RBM26: variants seen among roughly 807,000 people sequenced by gnomAD.
RBM26 encodes the protein RNA binding motif protein 26.
Under a neutral mutation model 123.6 loss-of-function variants are expected in RBM26, and 30 were observed. The observed-to-expected ratio is 0.24, with a 90% confidence interval of 0.18 to 0.33. RBM26 has a LOEUF of 0.33. Among genes scored for constraint, RBM26 ranks in the 10% least tolerant of loss-of-function variants. The pLI is 1.00. For synonymous variants in RBM26, 400 were observed against 404.4 expected (o/e 0.99, Z 0.13); for missense variants, 947 against 1,203.6 (o/e 0.79, Z 3.15).
chr13:79,351,306 A>C (rs1290963683), intron 14 of RBM26, among the ~76,000 whole-genome samples: 3 of 152,216 alleles, frequency 2.0e-5, no homozygotes, highest in African/African-American at 7.2e-5. Flanking sequence ...TTTAATTGAC[A>C]GAACTGTACA....
At chr13:79,349,618 A>T (rs949402006) in intron 14 of RBM26, among the ~76,000 whole-genome samples, 11 of 152,168 alleles carry the variant, frequency 7.2e-5, no homozygotes, top group African/African-American at 2.7e-4. Flanking sequence ...TGCAGGTAAT[A>T]ATCCTGAGAG....
chr13:79,322,593 T>C (rs1035424272), intron 20 of RBM26, 131 bp from the exon 21 acceptor site: 66 of 525,474 alleles, frequency 1.3e-4, no homozygotes, highest in Non-Finnish European at 2.0e-4. Flanking sequence ...CCATTTGCTT[T>C]TTGATTATTT....
At chr13:79,384,337 T>G (rs2077308798) in intron 1 of RBM26, among the ~76,000 whole-genome samples, 1 of 151,774 alleles carries the variant, frequency 6.6e-6, no homozygotes, top group Admixed American at 6.6e-5. Flanking sequence ...CATGGTTCAT[T>G]GAAACCTTGA....
chr13:79,385,573 A>T (rs1238134182), intron 1 of RBM26, among the ~76,000 whole-genome samples: 1 of 152,202 alleles, frequency 6.6e-6, no homozygotes, highest in African/African-American at 2.4e-5. Context: ...TTTTGGTATC[A>T]GGAGCCCTCT....
Position 79,355,220 on chromosome 13 carries a change from C to T in RBM26, c.1854G>A (p.Lys618=), listed in dbSNP as rs2073835283. The T allele has an allele frequency of 6.2e-7, 1 of 1,613,256 alleles. No homozygotes were observed. The change falls in exon 12 of 22, where the codon AAG becomes AAA. Residue 618 remains lysine (K), a splice_region_variant and synonymous_variant. Transcript: ENST00000438737. The part of the protein sequence containing the change: ...STQQLQTTSP[K]VMQPLVQQPI... ...ACTTTTACACAAATTCCTCTCTTAC[C>T]TTTGGAGAAGTAGTTTGTAACTGTT...
At chr13:79,397,759 T>C (rs1167923993) in intron 1 of RBM26, among the ~76,000 whole-genome samples, 2 of 149,558 alleles carry the variant, frequency 1.3e-5, no homozygotes, top group African/African-American at 4.9e-5. Flanking sequence ...ATGAGATTGG[T>C]AGAAGAAAAT....
At chr13:79,341,351 C>T (rs754910956) in intron 17 of RBM26, 124 bp from the exon 18 acceptor site, 3 of 550,588 alleles carry the variant, frequency 5.4e-6, no homozygotes, top group Non-Finnish European at 9.3e-6. Context: ...AGTATAATCA[C>T]TCTAATCCAA....
At chr13:79,365,183 C>T (rs1395501324) in intron 9 of RBM26, among the ~76,000 whole-genome samples, 1 of 152,114 alleles carries the variant, frequency 6.6e-6, no homozygotes, top group Admixed American at 6.6e-5. Flanking sequence ...GGGCTCAAGC[C>T]TATAATCCCA....
intron 3 of RBM26, chr13:79,376,096 G>A (rs191242937): frequency 4.6e-5 from 7 of 152,244 alleles, no homozygotes; most frequent in African/African-American, 1.7e-4. Context: ...CCAGTGATTT[G>A]TAGAACCAAA....
intron 1 of RBM26, among the ~76,000 whole-genome samples, chr13:79,405,498 C>T (rs1294459597): frequency 1.3e-5 from 2 of 151,460 alleles, no homozygotes; most frequent in African/African-American, 4.9e-5. Context: ...GAGAGCAGCT[C>T]AGCAATAAAA....
chr13:79,345,474 T>C (rs2072166831), intron 14 of RBM26, among the ~76,000 whole-genome samples: 1 of 152,078 alleles, frequency 6.6e-6, no homozygotes, highest in Admixed American at 6.6e-5. Context: ...TGATAATATA[T>C]TAATTAATGT....
chr13:79,367,136 G>A (rs2075339096), intron 6 of RBM26, among the ~76,000 whole-genome samples: 1 of 152,004 alleles, frequency 6.6e-6, no homozygotes, highest in Admixed American at 6.6e-5. Flanking sequence ...GCTGGACGTG[G>A]TGGCTCAGGC....
intron 14 of RBM26, among the ~76,000 whole-genome samples, chr13:79,348,836 C>T (rs2072744515): frequency 6.6e-6 from 1 of 152,150 alleles, no homozygotes; most frequent in South Asian, 2.1e-4. Flanking sequence ...TTTATACATA[C>T]TTTTAGATAT....
chr13:79,328,275 G>A (rs2068739374), intron 20 of RBM26, among the ~76,000 whole-genome samples: 1 of 152,012 alleles, frequency 6.6e-6, no homozygotes, highest in Non-Finnish European at 1.5e-5. Context: ...TTAAAACAGT[G>A]AGAAACAGGC....
chr13:79,375,487 C>A (rs2076601456), intron 3 of RBM26, among the ~76,000 whole-genome samples: 1 of 151,960 alleles, frequency 6.6e-6, no homozygotes, highest in African/African-American at 2.4e-5. Context: ...TAATTTTTCA[C>A]AGCAAAAATC....
intron 20 of RBM26, among the ~76,000 whole-genome samples, chr13:79,332,914 A>C (rs2069671225): frequency 1.3e-5 from 2 of 152,194 alleles, no homozygotes; most frequent in African/African-American, 4.8e-5. Context: ...CAAGGGAAGT[A>C]GTACATATTT....
intron 20 of RBM26, among the ~76,000 whole-genome samples, chr13:79,332,712 A>G (rs1158833840): frequency 6.6e-6 from 1 of 152,160 alleles, no homozygotes; most frequent in Non-Finnish European, 1.5e-5. Context: ...ATTCAGTGCT[A>G]AAGTCTTCCT....
rs1282275124 is a variant in RBM26, at chr13:79,332,662, T to C, written c.2820+1682A>G. 2.0e-5 allele frequency among the ~76,000 whole-genome samples: 3 copies of C among 152,198 alleles called. 1 individual carries two copies. Among genetic ancestry groups the C allele is most frequent in the Admixed American group, 1.3e-4 (2 of 15,280 alleles). On this transcript the variant is annotated intron_variant, in intron 20 of 21. Coordinates refer to ENST00000438737, the MANE Select transcript of RBM26 (RefSeq NM_001366735.2). ...ATAGGTAATTCTCATTAGACCTAACTTGGCCTTAGTTATTCTGTCACTTAT... is the reference window on the plus strand; with the variant it reads ...ATAGGTAATTCTCATTAGACCTAACCTGGCCTTAGTTATTCTGTCACTTAT...
rs372344517 is a variant in RBM26, at chr13:79,362,479, G to A, written c.1418-2793C>T. On this transcript the variant is annotated intron_variant, in intron 9 of 21. Coordinates refer to ENST00000438737, the MANE Select transcript of RBM26 (RefSeq NM_001366735.2). ...CTCTTACAGTCACAAAATTCCTTCA[G>A]TTTCTCAAAAGTATCACAGGGTACA... 4.2e-4 allele frequency among the ~76,000 whole-genome samples: 64 copies of A among 152,070 alleles called. No individual in the cohort carries two copies. In the South Asian group the frequency reaches 0.013, roughly 31 times the overall value.
Sources: allele counts gnomAD v4.1 joint callset (sites outside exome capture counted in the v4.1 genomes callset), GRCh38; gene constraint gnomAD v4.1.1; transcripts MANE v1.5; gene names NCBI Gene and HGNC (gene_info 2026-07-23, HGNC 2026-07-21).